Variants in RDX observed in about 807,000 individuals in gnomAD.
RDX encodes deafness, autosomal recessive 24.
A neutral mutation model predicts 83.7 loss-of-function variants in RDX; 32 were observed. The observed-to-expected ratio is 0.38, with a 90% confidence interval of 0.29 to 0.51. The LOEUF (loss-of-function observed/expected upper bound fraction) is 0.51, where lower values mean the gene tolerates loss of function less well. RDX is among the 20% of genes least tolerant of loss of function. The pLI, the probability that RDX is intolerant of heterozygous loss-of-function variation, is 0.87. For missense variants in RDX, 600 were observed against 689.9 expected (o/e 0.87, Z 1.46); for synonymous variants, 229 against 222.7 (o/e 1.03, Z -0.25).
rs371505251 is a variant in RDX, at chr11:110,214,247, T to C, written c.1749-14569A>G. On this transcript the variant is annotated intron_variant, in intron 14 of 15. Transcript: ENST00000528498. ...CAAAAAACACATGAAAAAATGCTCA[T>C]CATCACTGGCCATCAGAGAAATGCA... Among the ~76,000 whole-genome samples the C allele has an allele frequency of 3.0e-3, 444 of 146,770 alleles. 2 individuals carry two copies. Among genetic ancestry groups the C allele is most frequent in the African/African-American group, 0.011 (426 of 39,640 alleles).
chr11:110,238,963 T>G (rs1371056782), intron 10 of RDX, among the ~76,000 whole-genome samples: 16 of 146,248 alleles, frequency 1.1e-4, no homozygotes, highest in African/African-American at 2.5e-5. Flanking sequence ...ACTTGGAAGG[T>G]TTTGAGAGGG....
At chr11:110,254,626 C>T (rs1859471004) in intron 8 of RDX, among the ~76,000 whole-genome samples, 2 of 152,128 alleles carry the variant, frequency 1.3e-5, no homozygotes, top group South Asian at 4.1e-4. Context: ...CAGGCATGCA[C>T]CACCACATCT....
At chr11:110,246,207 T>C (rs1859099509) in intron 10 of RDX, among the ~76,000 whole-genome samples, 1 of 152,222 alleles carries the variant, frequency 6.6e-6, no homozygotes, top group African/African-American at 2.4e-5. Context: ...AGGTTATTGC[T>C]ATTTATTCTC....
intron 15 of RDX, among the ~76,000 whole-genome samples, chr11:110,192,335 T>C (rs1863117948): frequency 6.6e-6 from 1 of 152,170 alleles, no homozygotes; most frequent in Admixed American, 6.5e-5. Context: ...GCTATGCATA[T>C]GCAAAAGAAT....
chr11:110,179,909 T>C (rs746077888), intron 15 of RDX: 2 of 423,508 alleles, frequency 4.7e-6, no homozygotes, highest in Non-Finnish European at 4.6e-6. Flanking sequence ...TTTTCTTTTT[T>C]TTTTTTTTTT....
At chr11:110,271,400 T>C (rs1205994108) in intron 3 of RDX, among the ~76,000 whole-genome samples, 1 of 152,184 alleles carries the variant, frequency 6.6e-6, no homozygotes, top group East Asian at 1.9e-4. Flanking sequence ...ACGTGAAGTT[T>C]ATATAAAAGT....
intron 14 of RDX, among the ~76,000 whole-genome samples, chr11:110,204,532 T>C (rs1591509351): frequency 1.7e-5 from 2 of 116,746 alleles, no homozygotes; most frequent in African/African-American, 6.9e-5. Context: ...TTTTTTTTTT[T>C]TGAGACAGAG....
In RDX at chr11:110,254,217, T is replaced by C. The variant is rs543084892; in HGVS notation, c.796-108A>G. On this transcript the variant is annotated intron_variant, in intron 8 of 13. Transcript: ENST00000645495. ...GTATGAATTTTAATGTCATATTACA[T>C]ATAGTTTAGAAATAAGAAATCATAC... The C allele has an allele frequency of 3.6e-5, 32 of 878,418 alleles. No homozygotes were observed. The South Asian group carries it at 4.7e-4, about 13-fold the overall frequency. The allele number at this position is 878,418 out of a possible 1,614,324, so 54.4% of individuals were successfully genotyped here.
chr11:110,253,543 T>C (rs1444249485), intron 9 of RDX, among the ~76,000 whole-genome samples: 2 of 152,210 alleles, frequency 1.3e-5, no homozygotes, highest in Non-Finnish European at 2.9e-5. Context: ...GATGTTACCC[T>C]ACTTGGCACA....
intron 15 of RDX, among the ~76,000 whole-genome samples, chr11:110,191,919 T>C (rs1160862681): frequency 6.6e-6 from 1 of 152,164 alleles, no homozygotes; most frequent in Non-Finnish European, 1.5e-5. Context: ...ATTCCATGCT[T>C]ATGGATAGGA....
At chr11:110,242,053 C>T (rs1865119044) in intron 10 of RDX, among the ~76,000 whole-genome samples, 1 of 152,034 alleles carries the variant, frequency 6.6e-6, no homozygotes, top group Non-Finnish European at 1.5e-5. Context: ...TTAATGGGTG[C>T]AGAGTTTTAG....
chr11:110,229,258 C>T (rs1406342438), downstream of RDX, among the ~76,000 whole-genome samples: 1 of 151,830 alleles, frequency 6.6e-6, no homozygotes, highest in East Asian at 1.9e-4. Flanking sequence ...TTAACTTTTC[C>T]ACAGAATTAA....
intron 14 of RDX, among the ~76,000 whole-genome samples, chr11:110,201,906 TGTG>T (rs1863422599): frequency 7.5e-5 from 1 of 13,320 alleles, no homozygotes; most frequent in East Asian, 4.3e-3. Flanking sequence ...GCTAATTTTG[TGTG>T]TGTGTGTGTG....
intron 15 of RDX, among the ~76,000 whole-genome samples, chr11:110,176,098 T>TTC (rs1862768887): frequency 6.6e-6 from 1 of 150,642 alleles, no homozygotes. Context: ...CTTTTTTTTT[T>TTC]TTTCTGAGGC....
intron 14 of RDX, among the ~76,000 whole-genome samples, chr11:110,211,187 C>A (rs570658964): frequency 1.9e-4 from 29 of 152,264 alleles, no homozygotes; most frequent in African/African-American, 7.0e-4. Flanking sequence ...GGGTTGCAAT[C>A]CTAGTCTCTG....
chr11:110,213,963 TGGC>T (rs1459603798), intron 14 of RDX, among the ~76,000 whole-genome samples: 1 of 92,086 alleles, frequency 1.1e-5, no homozygotes. Context: ...CCAAAAGCAA[TGGC>T]AACAAAAGAC....
chr11:110,243,180 C>T (rs900387677), intron 10 of RDX, among the ~76,000 whole-genome samples: 2 of 152,014 alleles, frequency 1.3e-5, no homozygotes, highest in Non-Finnish European at 1.5e-5. Context: ...ATGAGGGATG[C>T]TCAACCAGTA....
At chr11:110,279,872 G>T in intron 1 of RDX, 116 bp from the exon 2 acceptor site, 1 of 534,346 alleles carries the variant, frequency 1.9e-6, no homozygotes, top group South Asian at 2.5e-5. Flanking sequence ...AAAGTAACAA[G>T]GAGTGATTTC....
At chr11:110,294,525 TAA>T (rs1861368039) in intron 1 of RDX, among the ~76,000 whole-genome samples, 1 of 151,812 alleles carries the variant, frequency 6.6e-6, no homozygotes. Flanking sequence ...ATTCCTTGAG[TAA>T]AAATTTATCG....
Sources: gnomAD v4.1 joint callset for allele counts (sites outside exome capture counted in the v4.1 genomes callset) on GRCh38, gnomAD v4.1.1 for gene constraint, MANE v1.5 for transcripts, NCBI Gene and HGNC (gene_info 2026-07-23, HGNC 2026-07-21) for gene names.